Variants in SCAPER observed in about 807,000 individuals in gnomAD.
SCAPER encodes the protein S phase cyclin A-associated protein in the endoplasmic reticulum.
In SCAPER, 98 loss-of-function variants were observed where a neutral mutation model predicts 182.2. The observed-to-expected ratio is 0.54, with a 90% CI of 0.46 to 0.64. The LOEUF (loss-of-function observed/expected upper bound fraction) is 0.64, where lower values mean the gene tolerates loss of function less well. Ranked by LOEUF, SCAPER falls within the 30% of genes least tolerant of loss-of-function variation. SCAPER has a pLI of 0.00. For synonymous variants in SCAPER, 605 were observed against 564.6 expected, an observed-to-expected ratio of 1.07 and a Z score of -1.01; for missense variants, 1,432 against 1,690.0, an observed-to-expected ratio of 0.85 and a Z score of 2.68.
At chr15:76,848,015 T>A (rs1384818133) in intron 4 of SCAPER, among the ~76,000 whole-genome samples, 1 of 152,212 alleles carries the variant, frequency 6.6e-6, no homozygotes. Context: ...AAAGACTTTT[T>A]TCTTTTTTTT....
chr15:76,394,997 C>T (rs2043954627), intron 27 of SCAPER, among the ~76,000 whole-genome samples: 1 of 152,140 alleles, frequency 6.6e-6, no homozygotes, highest in Non-Finnish European at 1.5e-5. Context: ...CTCTCCCACC[C>T]ACCCACTACC....
At chr15:76,521,452 G>GA (rs879906298) in intron 23 of SCAPER, among the ~76,000 whole-genome samples, 3 of 152,068 alleles carry the variant, frequency 2.0e-5, no homozygotes, top group African/African-American at 7.2e-5. Flanking sequence ...GGAGGGTGGG[G>GA]AGAGAGGATC....
chr15:76,688,498 G>C lies in SCAPER; in HGVS notation c.2508+13260C>G, dbSNP rs140517605. Among the ~76,000 whole-genome samples the C allele has an allele frequency of 1.2e-3, 186 of 152,260 alleles. 2 individuals carry two copies. The highest frequency in any genetic ancestry group is 3.4e-3 in the Middle Eastern group (1 of 294). ...CCATTGCTTTTGGTGTTTTAGTCATGAATTCTTTGCCCATGCCTATGTCCT... is the reference window on the plus strand; with the variant it reads ...CCATTGCTTTTGGTGTTTTAGTCATCAATTCTTTGCCCATGCCTATGTCCT... On this transcript the variant is annotated intron_variant, in intron 20 of 31. Transcript: ENST00000563290.
chr15:76,881,809 A>T (rs2073557408), intron 2 of SCAPER, among the ~76,000 whole-genome samples: 1 of 152,240 alleles, frequency 6.6e-6, no homozygotes. Flanking sequence ...TGATAGCTGC[A>T]CAACAATATG....
chr15:76,569,587 T>C (rs1052844371), intron 23 of SCAPER, among the ~76,000 whole-genome samples: 2 of 152,108 alleles, frequency 1.3e-5, no homozygotes, highest in Admixed American at 1.3e-4. Flanking sequence ...ATCTGTAAAT[T>C]GATTTGTAAG....
intron 8 of SCAPER, among the ~76,000 whole-genome samples, chr15:76,776,213 A>C (rs1301660876): frequency 1.3e-5 from 2 of 152,170 alleles, no homozygotes; most frequent in African/African-American, 4.8e-5. Flanking sequence ...GCAAAGACAA[A>C]ATAGGCATCA....
At chr15:76,510,864 C>CGTGTGT (rs58154549) in intron 23 of SCAPER, among the ~76,000 whole-genome samples, 3 of 150,498 alleles carry the variant, frequency 2.0e-5, no homozygotes, top group Non-Finnish European at 4.4e-5. Flanking sequence ...CTGGTGCGCG[C>CGTGTGT]GTGTGTGTGT....
At chr15:76,379,741 T>C (rs1228805031) in intron 28 of SCAPER, 2 of 152,198 alleles carry the variant, frequency 1.3e-5, no homozygotes, top group Non-Finnish European at 2.9e-5. Flanking sequence ...CACTTGACAT[T>C]ATCGCCCATT....
chr15:76,484,985 A>G (rs1012292245), intron 24 of SCAPER, among the ~76,000 whole-genome samples: 1 of 152,216 alleles, frequency 6.6e-6, no homozygotes, highest in Admixed American at 6.5e-5. Flanking sequence ...CCCCTTGAAA[A>G]CTGGCACAAG....
intron 24 of SCAPER, among the ~76,000 whole-genome samples, chr15:76,474,735 TAATG>T (rs766278591): frequency 2.0e-5 from 3 of 152,190 alleles, no homozygotes; most frequent in Admixed American, 1.3e-4. Context: ...TTATTATTCT[TAATG>T]AATAAGGTAT....
intron 25 of SCAPER, among the ~76,000 whole-genome samples, chr15:76,467,648 G>A (rs1454778875): frequency 1.3e-5 from 2 of 152,074 alleles, no homozygotes; most frequent in Non-Finnish European, 1.5e-5. Flanking sequence ...CACCTATTAT[G>A]TGCTAGGTAC....
chr15:76,856,148 T>A (rs1298376151), intron 4 of SCAPER, among the ~76,000 whole-genome samples: 5 of 152,194 alleles, frequency 3.3e-5, no homozygotes, highest in Admixed American at 3.3e-4. Context: ...GAGGCCATTA[T>A]CCTTAGCAAA....
At chr15:76,733,122 A>G (rs2061023781) in intron 16 of SCAPER, 107 bp downstream of exon 16, 3 of 968,826 alleles carry the variant, frequency 3.1e-6, no homozygotes, top group South Asian at 1.8e-5. Flanking sequence ...TATTTCTACA[A>G]TCTCCCATCT....
At chr15:76,664,858 C>T (rs1295092780) in intron 21 of SCAPER, among the ~76,000 whole-genome samples, 1 of 152,130 alleles carries the variant, frequency 6.6e-6, no homozygotes, top group Non-Finnish European at 1.5e-5. Flanking sequence ...GAAATAGACA[C>T]CTAGATTGAT....
chr15:76,760,187 GC>G (rs1259892324), intron 14 of SCAPER, among the ~76,000 whole-genome samples: 1 of 152,050 alleles, frequency 6.6e-6, no homozygotes, highest in East Asian at 1.9e-4. Flanking sequence ...CCACAAGACT[GC>G]CCCCACAACT....
chr15:76,404,021 T>C (rs2044649274), intron 27 of SCAPER, among the ~76,000 whole-genome samples: 1 of 152,210 alleles, frequency 6.6e-6, no homozygotes, highest in African/African-American at 2.4e-5. Context: ...CACGTGTGAC[T>C]TCAGGGACCT....
intron 29 of SCAPER, among the ~76,000 whole-genome samples, chr15:76,369,914 A>G (rs2042036043): frequency 6.6e-6 from 1 of 152,220 alleles, no homozygotes; most frequent in Admixed American, 6.5e-5. Flanking sequence ...GTGGCTGAAG[A>G]TGGCATCACA....
intron 4 of SCAPER, among the ~76,000 whole-genome samples, chr15:76,850,935 C>G (rs988698966): frequency 4.0e-5 from 6 of 148,946 alleles, no homozygotes; most frequent in African/African-American, 1.2e-4. Context: ...AGGAGACAGG[C>G]AAAACCCAAT....
Position 76,354,278 on chromosome 15 carries a change from CT to C in SCAPER, c.3856-139del. 2 of 621,904 alleles carry C rather than the reference CT, an allele frequency of 3.2e-6. No individual in the cohort carries two copies. The highest frequency in any genetic ancestry group is 5.0e-6 in the Non-Finnish European group (2 of 396,092). The allele number at this position is 621,904 out of a possible 1,614,324, so 38.5% of individuals were successfully genotyped here. ...AAAGACTCCTGACTCCGTACCAGAGCTTAATTTAAGTGATACTTGAAAAGAG... is the reference window on the plus strand; with the variant it reads ...AAAGACTCCTGACTCCGTACCAGAGCTAATTTAAGTGATACTTGAAAAGAG... On this transcript the variant is annotated intron_variant, in intron 29 of 31. Transcript: ENST00000563290. This position sits in a 1 kb window ranked among gnomAD's most constrained non-coding sequence, Gnocchi z 4.4.
Sources: allele counts gnomAD v4.1 joint callset (sites outside exome capture counted in the v4.1 genomes callset), GRCh38; gene constraint gnomAD v4.1.1; non-coding constraint Gnocchi (gnomAD v3.1); transcripts MANE v1.5; gene names NCBI Gene and HGNC (gene_info 2026-07-23, HGNC 2026-07-21).